The following CDH11 variants were observed in gnomAD, a reference collection of about 807,000 sequenced individuals.
CDH11 encodes the protein cadherin 11, also known as cadherin-11.
A neutral mutation model predicts 67.8 loss-of-function variants in CDH11; 11 were observed. The observed-to-expected ratio is 0.16, with a 90% confidence interval of 0.10 to 0.27. The LOEUF is 0.27. Ranked by LOEUF, CDH11 falls within the 10% of genes least tolerant of loss-of-function variation. The pLI, the probability that CDH11 is intolerant of heterozygous loss-of-function variation, is 1.00. For missense variants in CDH11, 847 were observed against 1,031.2 expected (o/e 0.82, Z 2.45); for synonymous variants, 419 against 400.0 (o/e 1.05, Z -0.57).
intron 6 of CDH11, 32 bp downstream of exon 6, chr16:64,991,736 T>C (rs1262402208): frequency 5.1e-6 from 8 of 1,561,040 alleles, no homozygotes; most frequent in Admixed American, 3.3e-5. Flanking sequence ...TGTGTCACCA[T>C]GGAAAAGTGA....
chr16:65,073,894 C>T (rs1046318259), intron 1 of CDH11, among the ~76,000 whole-genome samples: 2 of 152,138 alleles, frequency 1.3e-5, no homozygotes, highest in African/African-American at 4.8e-5. Flanking sequence ...CAAGGCCTTG[C>T]AGAAAGTAGA....
intron 11 of CDH11, chr16:64,968,667 G>A (rs867054896): frequency 4.5e-5 from 21 of 470,280 alleles, no homozygotes; most frequent in African/African-American, 6.3e-5. Context: ...TGCTTATGCC[G>A]GAGTTTAGGC....
At chr16:65,097,670 A>G (rs1203290017) in intron 1 of CDH11, among the ~76,000 whole-genome samples, 1 of 152,172 alleles carries the variant, frequency 6.6e-6, no homozygotes, top group East Asian at 1.9e-4. Flanking sequence ...GTTAAGTATA[A>G]CATACACAAA....
chr16:64,982,005 C>T (rs35214), intron 8 of CDH11, 43 bp downstream of exon 8: 2 of 1,544,524 alleles, frequency 1.3e-6, no homozygotes, highest in Non-Finnish European at 1.7e-6. Flanking sequence ...CCTCTTGACT[C>T]TAAAATTCCC....
intron 2 of CDH11, among the ~76,000 whole-genome samples, chr16:65,050,394 C>T (rs1251737288): frequency 6.6e-6 from 1 of 152,164 alleles, no homozygotes; most frequent in African/African-American, 2.4e-5. Flanking sequence ...TATGCAGTTA[C>T]CTGACCATAA....
At chr16:65,021,032 C>T (rs1359667145) in intron 2 of CDH11, among the ~76,000 whole-genome samples, 1 of 151,980 alleles carries the variant, frequency 6.6e-6, no homozygotes, top group African/African-American at 2.4e-5. Context: ...CAGCCCATCC[C>T]CCATTGAAGT....
chr16:64,977,943 C>T (rs533192969), intron 8 of CDH11, among the ~76,000 whole-genome samples: 1 of 152,312 alleles, frequency 6.6e-6, no homozygotes, highest in South Asian at 2.1e-4. Flanking sequence ...AGCAACCCAA[C>T]ACCACTTATA....
Position 65,004,741 on chromosome 16 carries a change from C to CT in CDH11, c.128dup (p.Glu44GlyfsTer27). The CT allele has an allele frequency of 6.2e-7, 1 of 1,613,860 alleles. No individual in the cohort carries two copies. Among genetic ancestry groups the CT allele is most frequent in the Non-Finnish European group, 8.5e-7 (1 of 1,179,990 alleles). ...TGGAGCGCTGTAGCACCTGCCCCTC[C>CT]TTGCCCTTCTCATGGTGCCCATGGA... is the stretch of plus-strand genomic sequence containing the variant. On this transcript the variant is annotated frameshift_variant, in exon 3 of 13. Coordinates refer to ENST00000268603, the MANE Select transcript of CDH11 (RefSeq NM_001797.4). LOFTEE classifies it high-confidence loss of function.
At chr16:65,077,203 T>G (rs1178010703) in intron 1 of CDH11, among the ~76,000 whole-genome samples, 1 of 152,230 alleles carries the variant, frequency 6.6e-6, no homozygotes, top group Admixed American at 6.5e-5. Context: ...GGCTCTGCCA[T>G]GCTAACATAT....
At chr16:65,021,670 A>G (rs1379756547) in intron 2 of CDH11, among the ~76,000 whole-genome samples, 3 of 150,782 alleles carry the variant, frequency 2.0e-5, no homozygotes, top group Non-Finnish European at 4.4e-5. Context: ...ATCTCTTAAT[A>G]CCAGACTCTA....
intron 1 of CDH11, among the ~76,000 whole-genome samples, chr16:65,075,389 C>T (rs148284577): frequency 6.6e-6 from 1 of 152,188 alleles, no homozygotes; most frequent in Non-Finnish European, 1.5e-5. Context: ...TGAGGGGGCT[C>T]TCTTCATCAA....
chr16:65,015,206 A>G (rs1210730770), intron 2 of CDH11, among the ~76,000 whole-genome samples: 1 of 151,818 alleles, frequency 6.6e-6, no homozygotes, highest in East Asian at 1.9e-4. Context: ...CAGTGGAAAG[A>G]TGTACAGGGG....
intron 1 of CDH11, among the ~76,000 whole-genome samples, chr16:65,102,589 A>G (rs1192961737): frequency 6.6e-6 from 1 of 152,220 alleles, no homozygotes; most frequent in East Asian, 1.9e-4. Flanking sequence ...ACACCCTTGC[A>G]TGTTGCGATT....
intron 1 of CDH11, among the ~76,000 whole-genome samples, chr16:65,095,055 C>A (rs190729520): frequency 3.7e-4 from 57 of 152,268 alleles, no homozygotes; most frequent in African/African-American, 1.3e-3. Flanking sequence ...TCACCAGAAC[C>A]TGTGAAGTTG....
chr16:65,122,042 C>T lies in CDH11; in HGVS notation c.-460G>A. The T allele has an allele frequency of 1.5e-6, 1 of 672,700 alleles. No individual in the cohort carries two copies. The highest frequency in any genetic ancestry group is 2.7e-6 in the Non-Finnish European group (1 of 374,342). 41.7% of individuals were successfully genotyped at this position (672,700 alleles called of 1,614,324 possible). On this transcript the variant is annotated 5_prime_UTR_variant, in exon 1 of 13. Transcript: ENST00000268603. ...GCTCCTCGGCCCGCGACGCTCCCCTCAGCTGGCGGCGGCCGCGGAATGAGC... is the reference window on the plus strand; with the variant it reads ...GCTCCTCGGCCCGCGACGCTCCCCTTAGCTGGCGGCGGCCGCGGAATGAGC...
At chr16:65,040,478 T>C (rs971857143) in intron 2 of CDH11, among the ~76,000 whole-genome samples, 4 of 151,906 alleles carry the variant, frequency 2.6e-5, no homozygotes, top group Non-Finnish European at 4.4e-5. Context: ...ACACCGCGTG[T>C]TCTCAGTCAT....
At chr16:65,078,080 T>C (rs1231598045) in intron 1 of CDH11, among the ~76,000 whole-genome samples, 1 of 152,226 alleles carries the variant, frequency 6.6e-6, no homozygotes, top group Admixed American at 6.5e-5. Context: ...CCAAGGTACA[T>C]TGCCACTGAA....
intron 1 of CDH11, among the ~76,000 whole-genome samples, chr16:65,060,646 A>G (rs1268098943): frequency 2.0e-5 from 3 of 152,106 alleles, no homozygotes; most frequent in Non-Finnish European, 2.9e-5. Context: ...CTCCAGAATA[A>G]CTTTAACCTC....
intron 11 of CDH11, among the ~76,000 whole-genome samples, chr16:64,962,129 G>A (rs997408333): frequency 6.6e-6 from 1 of 152,088 alleles, no homozygotes; most frequent in African/African-American, 2.4e-5. Context: ...TGTAGTTATT[G>A]CTCTAGAAAA....
Sources: allele counts gnomAD v4.1 joint callset (sites outside exome capture counted in the v4.1 genomes callset), GRCh38; gene constraint gnomAD v4.1.1; transcripts MANE v1.5; gene names NCBI Gene and HGNC (gene_info 2026-07-23, HGNC 2026-07-21).